Variants in CMSS1 observed in about 807,000 individuals in gnomAD.
CMSS1 encodes the protein protein CMSS1.
CMSS1 carries 33 observed loss-of-function variants against 43.5 expected under a neutral mutation model. That is an observed-to-expected ratio of 0.76 (90% confidence interval 0.57 to 1.01). The LOEUF is 1.01. Ranked by LOEUF, CMSS1 falls within the 50% of genes least tolerant of loss-of-function variation. The pLI is 0.00. For synonymous variants in CMSS1, 115 were observed against 117.2 expected (o/e 0.98, Z 0.12); for missense variants, 313 against 326.4 (o/e 0.96, Z 0.32).
chr3:100,077,831 C>T (rs2065873620), intron 1 of CMSS1, among the ~76,000 whole-genome samples: 1 of 151,892 alleles, frequency 6.6e-6, no homozygotes, highest in South Asian at 2.1e-4. Flanking sequence ...TCACTTGAGC[C>T]CAGGAGGTAG....
chr3:99,944,654 G>C (rs1707954629), intron 1 of CMSS1, among the ~76,000 whole-genome samples: 1 of 152,240 alleles, frequency 6.6e-6, no homozygotes, highest in South Asian at 2.1e-4. Flanking sequence ...GCAAGTGGCA[G>C]AACAGGAATT....
At chr3:100,051,196 GCTT>G (rs1382543341) in intron 1 of CMSS1, 2 of 151,970 alleles carry the variant, frequency 1.3e-5, no homozygotes, top group Admixed American at 6.6e-5. Flanking sequence ...TGTGAGTCCA[GCTT>G]CTTATTTTTT....
intron 1 of CMSS1, among the ~76,000 whole-genome samples, chr3:100,037,501 C>T (rs1252260096): frequency 1.3e-5 from 2 of 152,074 alleles, no homozygotes; most frequent in Non-Finnish European, 2.9e-5. Flanking sequence ...ATAAAGCCAG[C>T]GCAACATATA....
intron 1 of CMSS1, among the ~76,000 whole-genome samples, chr3:100,041,763 C>T (rs1449876772): frequency 6.6e-6 from 1 of 152,090 alleles, no homozygotes; most frequent in African/African-American, 2.4e-5. Flanking sequence ...TTTAGACCTA[C>T]CAGAGATCTT....
chr3:99,853,396 T>C (rs756948383), intron 1 of CMSS1, among the ~76,000 whole-genome samples: 3 of 152,248 alleles, frequency 2.0e-5, no homozygotes, highest in Non-Finnish European at 4.4e-5. Context: ...AATTATAGCA[T>C]GTGCTATGTC....
intron 1 of CMSS1, among the ~76,000 whole-genome samples, chr3:99,819,436 G>A (rs1942387642): frequency 6.6e-6 from 1 of 152,198 alleles, no homozygotes; most frequent in Non-Finnish European, 1.5e-5. Flanking sequence ...TTGGAAGAAA[G>A]GCAGTCAACA....
In CMSS1 at chr3:100,179,706, C is replaced by G. The variant is rs958803026; in HGVS notation, c.*1318C>G. On this transcript the variant is annotated 3_prime_UTR_variant, in exon 10 of 10. Coordinates refer to ENST00000421999, the MANE Select transcript of CMSS1 (RefSeq NM_032359.4). ...AGTGCCTACAGCATATCCAGGTACA[C>G]AGTGTAAGCTGTCAGTGGATCTACC... The G allele has an allele frequency of 6.6e-6, 1 of 152,386 alleles. No homozygotes were observed. The highest frequency in any genetic ancestry group is 6.5e-5 in the Admixed American group (1 of 15,286). The allele number at this position is 152,386 out of a possible 1,614,324, so 9.4% of individuals were successfully genotyped here.
intron 1 of CMSS1, among the ~76,000 whole-genome samples, chr3:100,053,790 C>T (rs1004269885): frequency 1.3e-5 from 2 of 152,200 alleles, no homozygotes; most frequent in Admixed American, 6.5e-5. Flanking sequence ...GAAACCCTAA[C>T]TAATCAATTC....
intron 1 of CMSS1, among the ~76,000 whole-genome samples, chr3:100,056,958 C>G (rs375760750): frequency 6.6e-6 from 1 of 151,944 alleles, no homozygotes; most frequent in Admixed American, 6.6e-5. Context: ...GAGCCGAGAT[C>G]GCACCACTGC....
At chr3:99,854,833 C>G (rs1032081743) in intron 1 of CMSS1, among the ~76,000 whole-genome samples, 13 of 152,182 alleles carry the variant, frequency 8.5e-5, no homozygotes, top group African/African-American at 3.1e-4. Context: ...GAGCTCCCAC[C>G]TGAATTACAT....
chr3:100,040,182 A>G (rs1428849161), intron 1 of CMSS1: 4 of 152,128 alleles, frequency 2.6e-5, no homozygotes, highest in Non-Finnish European at 5.9e-5. Flanking sequence ...GGAACCTAAG[A>G]CAATCTCTGG....
Position 99,863,314 on chromosome 3 carries a change from C to T in CMSS1, c.64+45271C>T, listed in dbSNP as rs534020070. Among the ~76,000 whole-genome samples the T allele has an allele frequency of 5.3e-5, 8 of 152,260 alleles. No homozygotes were observed. The East Asian group carries it at 7.7e-4, about 15-fold the overall frequency. On this transcript the variant is annotated intron_variant, in intron 1 of 9. Coordinates refer to ENST00000421999, the MANE Select transcript of CMSS1 (RefSeq NM_032359.4). Reference sequence around the variant, plus strand: ...TTCAGGCAGTAATGCTGCCTCATCCCGCTGCTCACCTCCTGCTATGTGACC... The same window carrying T: ...TTCAGGCAGTAATGCTGCCTCATCCTGCTGCTCACCTCCTGCTATGTGACC...
chr3:99,955,983 C>T (rs1708309612), intron 1 of CMSS1, among the ~76,000 whole-genome samples: 1 of 152,166 alleles, frequency 6.6e-6, no homozygotes, highest in Non-Finnish European at 1.5e-5. Flanking sequence ...CCGGACTTGA[C>T]CTTGGAGTCC....
chr3:99,833,488 CAT>C (rs764875262), intron 1 of CMSS1, among the ~76,000 whole-genome samples: 9 of 152,332 alleles, frequency 5.9e-5, no homozygotes, highest in Non-Finnish European at 1.2e-4. Context: ...CCAATTTCTA[CAT>C]GACTCTTTTG....
chr3:100,124,988 T>C lies in CMSS1; in HGVS notation c.65-21985T>C, dbSNP rs35324920. Among the ~76,000 whole-genome samples, 9 of 152,218 alleles carry C rather than the reference T, an allele frequency of 5.9e-5. No individual in the cohort carries two copies. In the East Asian group the frequency reaches 1.7e-3, roughly 29 times the overall value. On this transcript the variant is annotated intron_variant, in intron 1 of 9. Coordinates refer to ENST00000421999, the MANE Select transcript of CMSS1 (RefSeq NM_032359.4). ...GACGCTTCCCTTTGAGTAAGGGCTGTTTATTCTCTGTATTTTAGAGCTGCC... is the reference window on the plus strand; with the variant it reads ...GACGCTTCCCTTTGAGTAAGGGCTGCTTATTCTCTGTATTTTAGAGCTGCC...
intron 1 of CMSS1, among the ~76,000 whole-genome samples, chr3:100,019,363 TA>T (rs1017648703): frequency 3.9e-5 from 6 of 151,982 alleles, no homozygotes; most frequent in Admixed American, 1.3e-4. Flanking sequence ...GTAAAAGACA[TA>T]AAAATATGAA....
chr3:99,882,478 G>T (rs187399273), intron 1 of CMSS1, among the ~76,000 whole-genome samples: 1 of 152,196 alleles, frequency 6.6e-6, no homozygotes, highest in African/African-American at 2.4e-5. Flanking sequence ...AAGAGTAAAA[G>T]GTGTGCTTAG....
chr3:99,930,023 C>T, intron 1 of CMSS1: 1 of 1,605,130 alleles, frequency 6.2e-7, no homozygotes. Context: ...ATGACCTCAT[C>T]TCGAGCCTGT....
intron 1 of CMSS1, among the ~76,000 whole-genome samples, chr3:100,064,936 A>C (rs1457842112): frequency 6.6e-6 from 1 of 152,238 alleles, no homozygotes; most frequent in African/African-American, 2.4e-5. Flanking sequence ...GTTGCTGCCT[A>C]TGCAATGTAT....
Sources: allele counts gnomAD v4.1 joint callset (sites outside exome capture counted in the v4.1 genomes callset), GRCh38; gene constraint gnomAD v4.1.1; transcripts MANE v1.5; gene names NCBI Gene and HGNC (gene_info 2026-07-23, HGNC 2026-07-21).